Variants in ARMCX4 observed in about 807,000 individuals in gnomAD.
ARMCX4 encodes armadillo repeat containing X-linked 4, also known as armadillo repeat-containing X-linked protein 4.
A neutral mutation model predicts 34.7 loss-of-function variants in ARMCX4; 3 were observed. The observed-to-expected ratio is 0.09, with a 90% CI of 0.04 to 0.22. The LOEUF is 0.22. ARMCX4 is among the 10% of genes least tolerant of loss of function. The pLI is 1.00. For synonymous variants in ARMCX4, 513 were observed against 632.8 expected (o/e 0.81, Z 2.84); for missense variants, 1,448 against 1,720.8 (o/e 0.84, Z 2.81).
At chrX:101,534,148 AGTAAATAT>A (rs1935179850), downstream of ARMCX4, among the ~76,000 whole-genome samples, 1 of 112,251 alleles carries the variant, frequency 8.9e-6, no homozygotes, top group South Asian at 3.6e-4. Context: ...CCATTCATTC[AGTAAATAT>A]GGATTGATAA....
intron 11 of ARMCX4, chrX:101,517,011 G>A (rs1466646326): frequency 5.4e-5 from 6 of 111,844 alleles, no homozygotes; most frequent in Non-Finnish European, 1.1e-4. Context: ...GTTGATACCC[G>A]TGGCAGTAAT....
intron 11 of ARMCX4, among the ~76,000 whole-genome samples, chrX:101,518,109 C>T (rs1224712073): frequency 8.9e-6 from 1 of 111,810 alleles, no homozygotes; most frequent in Non-Finnish European, 1.9e-5. Context: ...GGAGCAATGT[C>T]TCTAAAATTC....
chrX:101,458,266 A>G (rs1932415152), intron 4 of ARMCX4, among the ~76,000 whole-genome samples: 1 of 111,399 alleles, frequency 9.0e-6, no homozygotes, highest in Non-Finnish European at 1.9e-5. Flanking sequence ...ATCATTTTCA[A>G]GTTGGCTCCT....
chrX:101,494,488 A>G lies in ARMCX4; in HGVS notation c.5899A>G (p.Lys1967Glu), dbSNP rs1556011230. ...TSEDKSAPKA[K>E]AKKSSESRGI... Reference sequence around the variant, plus strand: ...TGAGGACAAATCTGCACCTAAGGCTAAAGCCAAAAAGTCATCTGAGTCAAG... The same window carrying G: ...TGAGGACAAATCTGCACCTAAGGCTGAAGCCAAAAAGTCATCTGAGTCAAG... The change falls in exon 6 of 6, where the codon AAA becomes GAA. Residue 1967 changes from lysine (K) to glutamate (E), a missense_variant. Coordinates refer to ENST00000423738, the MANE Select transcript of ARMCX4 (RefSeq NM_001256155.3). 1 of 1,153,612 alleles carries G rather than the reference A, an allele frequency of 8.7e-7. No homozygotes were observed. The highest frequency in any genetic ancestry group is 1.8e-5 in the African/African-American group (1 of 55,554).
At chrX:101,533,931 C>G (rs782370398), downstream of ARMCX4, among the ~76,000 whole-genome samples, 1 of 111,228 alleles carries the variant, frequency 9.0e-6, no homozygotes, top group Non-Finnish European at 1.9e-5. Flanking sequence ...TGAAGCAAAT[C>G]TAAGAGAATC....
chrX:101,424,699 C>T (rs1183634247), intron 2 of ARMCX4, among the ~76,000 whole-genome samples: 1 of 111,831 alleles, frequency 8.9e-6, no homozygotes, highest in Non-Finnish European at 1.9e-5. Flanking sequence ...TTTGTTTACT[C>T]CCCCCTGTAT....
intron 4 of ARMCX4, among the ~76,000 whole-genome samples, chrX:101,457,111 AC>A (rs1932327232): frequency 9.0e-6 from 1 of 111,207 alleles, no homozygotes; most frequent in Non-Finnish European, 1.9e-5. Context: ...GTTGAAGAAA[AC>A]AGGTTAATTT....
At chrX:101,459,396 G>T (rs1283420666) in intron 4 of ARMCX4, among the ~76,000 whole-genome samples, 1 of 111,594 alleles carries the variant, frequency 9.0e-6, no homozygotes, top group South Asian at 3.8e-4. Context: ...GGGTGCCTGT[G>T]GGCCTTCATG....
At chrX:101,466,268 C>T (rs1236424667) in intron 4 of ARMCX4, among the ~76,000 whole-genome samples, 2 of 112,081 alleles carry the variant, frequency 1.8e-5, no homozygotes, top group Non-Finnish European at 3.8e-5. Flanking sequence ...ATTGGAGCAA[C>T]TGGAACTCTC....
chrX:101,506,062 C>T (rs1331028308), intron 8 of ARMCX4, among the ~76,000 whole-genome samples: 3 of 111,502 alleles, frequency 2.7e-5, no homozygotes, highest in Non-Finnish European at 5.7e-5. Context: ...AGGCTGGTCT[C>T]GAACTCCTGA....
intron 4 of ARMCX4, among the ~76,000 whole-genome samples, chrX:101,473,676 A>G (rs782757163): frequency 9.6e-6 from 1 of 104,238 alleles, no homozygotes; most frequent in Admixed American, 1.1e-4. Context: ...GCTCAACTAC[A>G]TGGAAACTGA....
At chrX:101,480,189 G>T (rs1041716823) in intron 4 of ARMCX4, among the ~76,000 whole-genome samples, 8 of 102,715 alleles carry the variant, frequency 7.8e-5, no homozygotes, top group African/African-American at 2.8e-4. Flanking sequence ...TATATGCAAT[G>T]ACCCAGAAGC....
chrX:101,443,130 C>CAA lies in ARMCX4; in HGVS notation n.165-903_165-902dup, dbSNP rs141804967. Among the ~76,000 whole-genome samples, 403 of 49,306 alleles carry CAA rather than the reference C, an allele frequency of 8.2e-3. 3 individuals carry two copies. The highest frequency in any genetic ancestry group is 0.015 in the African/African-American group (172 of 11,113). The allele number at this position is 49,306 out of a possible 115,157, so 42.8% of individuals were successfully genotyped here. A position where few individuals can be genotyped will look rare whatever the true frequency, so the allele number is the denominator to read the frequency against. ...TGGGTGACAGAGTGAGACTCCGTCT[C>CAA]AAAAAAAAAAAAAAAAAAAAGAAAT... On this transcript the variant is annotated intron_variant and non_coding_transcript_variant, in intron 2 of 3. Coordinates refer to the ARMCX4 transcript ENST00000430461.
intron 4 of ARMCX4, among the ~76,000 whole-genome samples, chrX:101,455,481 T>C (rs950425632): frequency 1.8e-5 from 2 of 111,302 alleles, no homozygotes; most frequent in South Asian, 3.8e-4. Context: ...AAGAGCATAT[T>C]TGTAGTAAGT....
rs1659330203 is a variant in ARMCX4 at position 101,489,223 on chromosome X, A to G, written c.634A>G (p.Thr212Ala). ...INRVMVTQSETLAVPREVAKM... is the reference protein window; with the variant it reads ...INRVMVTQSEALAVPREVAKM... ...CAGAGTAATGGTTACACAGAGTGAG[A>G]CCTTGGCAGTACCCAGGGAAGTGGC... The change falls in exon 6 of 6, where the codon ACC becomes GCC. Residue 212 changes from threonine to alanine, a missense_variant. Coordinates refer to ENST00000423738, the MANE Select transcript of ARMCX4 (RefSeq NM_001256155.3). The G allele has an allele frequency of 8.7e-7, 1 of 1,154,817 alleles. No individual in the cohort carries two copies. The highest frequency in any genetic ancestry group is 1.8e-5 in the African/African-American group (1 of 56,337).
rs782326283 is a variant in ARMCX4, at chrX:101,525,170, C to CA, written c.*1781-6473dup. ...TTCTGCCACCTCTGTTGGGGATACC[C>CA]AGGCAAACAGGGTCTGGAGTGGACC... On this transcript the variant is annotated intron_variant and NMD_transcript_variant, in intron 11 of 12. Coordinates refer to the ARMCX4 transcript ENST00000354842. Among the ~76,000 whole-genome samples the CA allele has an allele frequency of 6.8e-4, 76 of 112,104 alleles. 1 individual carries two copies. The Middle Eastern group carries it at 0.014, about 21-fold the overall frequency.
At chrX:101,518,061 G>T (rs1311692556) in intron 11 of ARMCX4, among the ~76,000 whole-genome samples, 6 of 111,588 alleles carry the variant, frequency 5.4e-5, no homozygotes, top group Non-Finnish European at 1.1e-4. Context: ...AATGTAATTG[G>T]ATTTTTTTAC....
rs1190863187 is a variant in ARMCX4, at chrX:101,492,693, C to T, written c.4104C>T (p.His1368=). The change falls in exon 6 of 6, where the codon CAC becomes CAT. Residue 1368 remains histidine (H), a synonymous_variant. Coordinates refer to ENST00000423738, the MANE Select transcript of ARMCX4 (RefSeq NM_001256155.3). ...DQASGGSRLG[H]VDQSSGGAWA... ...CCAGTGGAGGGTCTAGGCTGGGCCA[C>T]GTAGATCAGTCCAGTGGTGGGGCCT... 22 of 1,109,503 alleles carry T rather than the reference C, an allele frequency of 2.0e-5. No homozygotes were observed. Among genetic ancestry groups the T allele is most frequent in the African/African-American group, 6.4e-5 (3 of 46,980 alleles). 91.4% of individuals were successfully genotyped at this position (1,109,503 alleles called of 1,213,427 possible).
At chrX:101,436,770 T>A (rs1603109069) in intron 2 of ARMCX4, among the ~76,000 whole-genome samples, 2 of 111,550 alleles carry the variant, frequency 1.8e-5, no homozygotes, top group African/African-American at 3.3e-5. Flanking sequence ...AGTATGATAT[T>A]GACTGTGGGT....
Sources: gnomAD v4.1 joint callset for allele counts (sites outside exome capture counted in the v4.1 genomes callset) on GRCh38, gnomAD v4.1.1 for gene constraint, MANE v1.5 for transcripts, NCBI Gene and HGNC (gene_info 2026-07-23, HGNC 2026-07-21) for gene names.